Variants in TBCD observed in about 807,000 individuals in gnomAD.
The protein encoded by TBCD is tubulin folding cofactor D.
In TBCD, 105 loss-of-function variants were observed where a neutral mutation model predicts 169.3. That is an observed-to-expected ratio of 0.62 (90% CI 0.53 to 0.73). The LOEUF (loss-of-function observed/expected upper bound fraction) is 0.73, where lower values mean the gene tolerates loss of function less well. TBCD is among the 30% of genes least tolerant of loss of function. The pLI is 0.00. For synonymous variants in TBCD, 700 were observed against 643.9 expected (o/e 1.09, Z -1.32); for missense variants, 1,444 against 1,600.1 (o/e 0.90, Z 1.66).
intron 13 of TBCD, chr17:82,830,447 C>T (rs746485705): frequency 1.2e-6 from 2 of 1,612,386 alleles, no homozygotes; most frequent in East Asian, 2.2e-5. Flanking sequence ...CTGTCCACCG[C>T]GCATGCGTCT....
chr17:82,908,301 G>A (rs1253401374), intron 21 of TBCD: 1 of 456,984 alleles, frequency 2.2e-6, no homozygotes, highest in Admixed American at 2.3e-5. Context: ...TTCCAGCCGT[G>A]CATCTGCAGC....
intron 18 of TBCD, among the ~76,000 whole-genome samples, chr17:82,901,458 G>T (rs553806663): frequency 2.7e-5 from 4 of 148,246 alleles, no homozygotes; most frequent in African/African-American, 9.8e-5. Flanking sequence ...GTTTGCTGCT[G>T]CCTGGGGAGC....
rs773548964 is a variant in TBCD, at chr17:82,814,953, G to A, written c.1318+19G>A. On this transcript the variant is annotated intron_variant, in intron 13 of 38. Transcript: ENST00000355528. ...GTGGATGGTGAGTAGCTGAGGCACG[G>A]TCAGGGGGGATGTCTGGCGCTGGCG... The A allele has an allele frequency of 3.7e-5, 60 of 1,610,368 alleles. No homozygotes were observed. In the South Asian group the frequency reaches 5.7e-4, roughly 15 times the overall value.
chr17:82,812,325 C>T (rs775304397), intron 12 of TBCD, among the ~76,000 whole-genome samples: 7 of 152,202 alleles, frequency 4.6e-5, no homozygotes, highest in Admixed American at 1.3e-4. Context: ...CCCCCTCGCC[C>T]GCCGCCCCGT....
In TBCD at chr17:82,920,405, G is replaced by C. The variant is rs1320866902; in HGVS notation, c.2039-151G>C. 4.4e-6 allele frequency: 3 copies of C among 679,172 alleles called. No homozygotes were observed. The highest frequency in any genetic ancestry group is 7.6e-6 in the Non-Finnish European group (3 of 393,124). 42.1% of individuals were successfully genotyped at this position (679,172 alleles called of 1,614,324 possible). On this transcript the variant is annotated intron_variant, in intron 23 of 38. Transcript: ENST00000355528. The surrounding 1 kb of genome is among the most constrained non-coding windows in gnomAD (Gnocchi z 4.1). ...TCATGGTGGTTCTGAAATGGTTCTG[G>C]GATGTTTCCAGCCCTGGCAGCAGGG...
At chr17:82,763,885 A>C in intron 2 of TBCD, 80 bp from the exon 3 acceptor site, 6 of 1,203,410 alleles carry the variant, frequency 5.0e-6, no homozygotes, top group Non-Finnish European at 7.2e-6. Context: ...GAAAACAGGC[A>C]TGAGCCACCA....
intron 17 of TBCD, among the ~76,000 whole-genome samples, chr17:82,897,072 T>C (rs1048911636): frequency 3.3e-5 from 5 of 152,160 alleles, no homozygotes; most frequent in African/African-American, 9.7e-5. Flanking sequence ...CTTATTAGGT[T>C]AGTCGTTTTC....
rs1433223311 is a variant in TBCD, at chr17:82,915,945, C to T, written c.2038+4156C>T. On this transcript the variant is annotated intron_variant, in intron 23 of 38. Transcript: ENST00000355528. The surrounding 1 kb of genome is among the most constrained non-coding windows in gnomAD (Gnocchi z 4.3). Reference sequence around the variant, plus strand: ...TGTACACACCTGCCACCTCCCCTGTCCCCTCAGCAGAGACATGGCCGGTGC... The same window carrying T: ...TGTACACACCTGCCACCTCCCCTGTTCCCTCAGCAGAGACATGGCCGGTGC... Among the ~76,000 whole-genome samples the T allele has an allele frequency of 6.6e-6, 1 of 152,190 alleles. No individual in the cohort carries two copies. The highest frequency in any genetic ancestry group is 1.9e-4 in the East Asian group (1 of 5,192).
Position 82,833,286 on chromosome 17 carries a change from A to C in TBCD, c.1318+18352A>C, listed in dbSNP as rs1418245580. Among the ~76,000 whole-genome samples the C allele has an allele frequency of 1.3e-5, 2 of 151,764 alleles. No homozygotes were observed. The highest frequency in any genetic ancestry group is 1.3e-4 in the Admixed American group (2 of 15,220). On this transcript the variant is annotated intron_variant, in intron 13 of 38. Transcript: ENST00000355528. This position sits in a 1 kb window ranked among gnomAD's most constrained non-coding sequence, Gnocchi z 4.7. Reference sequence around the variant, plus strand: ...TGCGCCCCTGCCGTCGGCCTGTAGAACCCAAGACCATGGATGCTGCTGCCT... The same window carrying C: ...TGCGCCCCTGCCGTCGGCCTGTAGACCCCAAGACCATGGATGCTGCTGCCT...
At chr17:82,921,049 C>T (rs1363231323) in intron 24 of TBCD, 2 of 254,378 alleles carry the variant, frequency 7.9e-6, no homozygotes, top group Non-Finnish European at 1.5e-5. Flanking sequence ...GTGAAGGGAG[C>T]CCCCAGGGCT....
intron 13 of TBCD, among the ~76,000 whole-genome samples, chr17:82,845,018 G>A (rs1045378068): frequency 1.8e-4 from 27 of 152,146 alleles, no homozygotes; most frequent in Non-Finnish European, 8.8e-5. Context: ...GGGTGGGGAA[G>A]GAGGGGTACC....
chr17:82,841,570 A>G (rs2054529101), intron 13 of TBCD, among the ~76,000 whole-genome samples: 1 of 152,214 alleles, frequency 6.6e-6, no homozygotes, highest in Non-Finnish European at 1.5e-5. Flanking sequence ...CCATTGAGAC[A>G]TCCATATACT....
intron 29 of TBCD, 109 bp from the exon 30 acceptor site, chr17:82,927,796 G>T: frequency 4.5e-6 from 4 of 898,106 alleles, no homozygotes; most frequent in Non-Finnish European, 5.3e-6. Flanking sequence ...GCTCTGTGTG[G>T]GGTTAGTCAC....
At chr17:82,925,112 G>A (rs2061640246) in intron 27 of TBCD, 55 bp downstream of exon 27, 12 of 1,359,178 alleles carry the variant, frequency 8.8e-6, no homozygotes, top group African/African-American at 1.4e-5. Context: ...TGGGAGCCTC[G>A]TGTGTTGGGG....
chr17:82,923,711 G>A lies in TBCD; in HGVS notation c.2238G>A (p.Gly746=). The stretch of plus-strand genomic sequence containing the variant: ...GTGAATATTACATGAAGGAGCCGGG[G>A]GAGGCAGATCCCGCAATTCAGGGTG... ...LCSEYYMKEP[G]EADPAIQEEL... is the part of the protein sequence containing the mutation. The change falls in exon 26 of 39, where the codon GGG becomes GGA. Residue 746 remains glycine, a synonymous_variant. Coordinates refer to ENST00000355528, the MANE Select transcript of TBCD (RefSeq NM_005993.5). The surrounding 1 kb of genome is among the most constrained non-coding windows in gnomAD (Gnocchi z 4.6). 1 of 1,599,858 alleles carries A rather than the reference G, an allele frequency of 6.3e-7. No individual in the cohort carries two copies. The highest frequency in any genetic ancestry group is 1.1e-5 in the South Asian group (1 of 88,390).
chr17:82,781,002 G>A (rs556883421), intron 6 of TBCD, among the ~76,000 whole-genome samples: 215 of 152,046 alleles, frequency 1.4e-3, no homozygotes, highest in African/African-American at 3.6e-3. Flanking sequence ...CGCTGAGGCC[G>A]GGCTGCAAGA....
intron 16 of TBCD, among the ~76,000 whole-genome samples, chr17:82,892,133 C>G (rs2059185102): frequency 6.6e-6 from 1 of 152,132 alleles, no homozygotes; most frequent in African/African-American, 2.4e-5. Flanking sequence ...CAGACAGAGC[C>G]TTGGCCCCTG....
In TBCD at chr17:82,915,474, G is replaced by A. The variant is rs1451528737; in HGVS notation, c.2038+3685G>A. On this transcript the variant is annotated intron_variant, in intron 23 of 38. Coordinates refer to ENST00000355528, the MANE Select transcript of TBCD (RefSeq NM_005993.5). The surrounding 1 kb of genome is among the most constrained non-coding windows in gnomAD (Gnocchi z 4.3). ...GCTTCCCCCGGTGCCAGGAAGATGA[G>A]CGTCCCCTTGTCTCCGTCTTAGTCT... Among the ~76,000 whole-genome samples the A allele has an allele frequency of 2.0e-5, 3 of 152,160 alleles. No individual in the cohort carries two copies. The highest frequency in any genetic ancestry group is 2.0e-4 in the Admixed American group (3 of 15,278).
rs2060617909 is a variant in TBCD, at chr17:82,911,220, C to T, written c.2007-538C>T. The stretch of plus-strand genomic sequence containing the variant: ...CTACTTGCAGGAGGGGACATCCAAC[C>T]CTGCCACTCTGTGTGGGCCAGAAAC... On this transcript the variant is annotated intron_variant, in intron 22 of 38. Coordinates refer to ENST00000355528, the MANE Select transcript of TBCD (RefSeq NM_005993.5). Among the ~76,000 whole-genome samples the T allele has an allele frequency of 2.0e-5, 3 of 152,334 alleles. No homozygotes were observed. In the South Asian group the frequency reaches 6.2e-4, roughly 32 times the overall value.
Sources: gnomAD v4.1 joint callset for allele counts (sites outside exome capture counted in the v4.1 genomes callset) on GRCh38, gnomAD v4.1.1 for gene constraint, Gnocchi (gnomAD v3.1) non-coding constraint, MANE v1.5 for transcripts, NCBI Gene and HGNC (gene_info 2026-07-23, HGNC 2026-07-21) for gene names.